SGIP1: variants seen among roughly 807,000 people sequenced by gnomAD.
SGIP1 encodes SH3-containing GRB2-like protein 3-interacting protein 1.
Under a neutral mutation model 107.5 loss-of-function variants are expected in SGIP1, and 38 were observed. The ratio of observed to expected loss-of-function variants is 0.35; its 90% CI spans 0.27 to 0.46. The LOEUF (loss-of-function observed/expected upper bound fraction) is 0.46. Ranked by LOEUF, SGIP1 falls within the 20% of genes least tolerant of loss-of-function variation. The pLI, the probability that SGIP1 is intolerant of heterozygous loss-of-function variation, is 1.00. For missense variants in SGIP1, 929 were observed against 1,019.5 expected, an observed-to-expected ratio of 0.91 and a Z score of 1.21; for synonymous variants, 365 against 366.1, an observed-to-expected ratio of 1.00 and a Z score of 0.03.
intron 7 of SGIP1, among the ~76,000 whole-genome samples, chr1:66,654,590 A>G (rs1345532098): frequency 6.6e-6 from 1 of 152,218 alleles, no homozygotes; most frequent in Admixed American, 6.5e-5. Context: ...ATTTTGTTTT[A>G]GTGGCAGCAG....
intron 23 of SGIP1, 94 bp from the exon 24 acceptor site, chr1:66,741,178 C>G: frequency 7.7e-7 from 1 of 1,295,702 alleles, no homozygotes; most frequent in South Asian, 1.7e-5. Context: ...AGAATCATGT[C>G]TGATTTTGTA....
chr1:66,591,527 A>G (rs1288164146), intron 1 of SGIP1, among the ~76,000 whole-genome samples: 1 of 152,164 alleles, frequency 6.6e-6, no homozygotes, highest in East Asian at 1.9e-4. Context: ...GCCCCTACAC[A>G]TGCACAGCCT....
rs146725007 is a variant in SGIP1 at position 66,534,703 on chromosome 1, G to T, written c.10+335G>T. ...TAAGGTTTTCTGTTCTGGGTTCCTG[G>T]GACTACACTGATTAAACATTTACAA... On this transcript the variant is annotated intron_variant, in intron 1 of 24. Transcript: ENST00000371037. Among the ~76,000 whole-genome samples, 659 of 152,238 alleles carry T rather than the reference G, an allele frequency of 4.3e-3. 5 individuals are homozygous for T. The highest frequency in any genetic ancestry group is 0.015 in the African/African-American group (620 of 41,530).
chr1:66,712,495 C>T (rs115003243), intron 18 of SGIP1, among the ~76,000 whole-genome samples: 3,033 of 152,048 alleles, frequency 0.02, 97 homozygotes, highest in African/African-American at 0.069. Context: ...AGGAGGTAAA[C>T]ACTCCTTTAT....
chr1:66,585,570 T>TTGTGTGTGTGTGTGTGTGTGTGTGTG (rs113981156), intron 1 of SGIP1, among the ~76,000 whole-genome samples: 3 of 149,952 alleles, frequency 2.0e-5, no homozygotes, highest in African/African-American at 7.4e-5. Context: ...GCTTTGGAGT[T>TTGTGTGTGTGTGTGTGTGTGTGTGTG]TGTGTGTGTG....
rs777650217 is a variant in SGIP1 at position 66,677,069 on chromosome 1, A to G, written c.712A>G (p.Lys238Glu). 6 of 1,614,030 alleles carry G rather than the reference A, an allele frequency of 3.7e-6. No homozygotes were observed. The highest frequency in any genetic ancestry group is 5.1e-6 in the Non-Finnish European group (6 of 1,179,960). ...AATTAATCCAAGCATGGAGTCGCCA[A>G]AGTTAACAAGGCCTTTTCCCACTGG... ...QPINPSMESP[K>E]LTRPFPTGTP... The change falls in exon 13 of 25, where the codon AAG (lysine) becomes GAG (glutamate). Residue 238 changes from lysine to glutamate, a missense_variant. Lys to Glu is a moderately conservative substitution (Grantham distance 56). Coordinates refer to ENST00000371037, the MANE Select transcript of SGIP1 (RefSeq NM_032291.4).
At position 66,677,021 on chromosome 1, in the gene SGIP1, G is replaced by A. The variant is rs1360435344; in HGVS notation, c.664G>A (p.Glu222Lys). The A allele has an allele frequency of 3.7e-6, 6 of 1,613,038 alleles. No homozygotes were observed. Among genetic ancestry groups the A allele is most frequent in the South Asian group, 1.1e-5 (1 of 90,824 alleles). Residue 222 changes from glutamate to lysine, a missense_variant, in exon 13 of 25, where the codon GAG (glutamate) becomes AAG (lysine). Physicochemically the swap from Glu to Lys is moderately conservative, Grantham distance 56. Coordinates refer to ENST00000371037, the MANE Select transcript of SGIP1 (RefSeq NM_032291.4). ...GTTTCCAGTTCTTTTAGATCAGCCT[G>A]AGATATGGGGTTCAGGCCAACCAAT... is the stretch of plus-strand genomic sequence containing the variant. ...QKTEVLLDQP[E>K]IWGSGQPINP...
rs1338127194 is a variant in SGIP1, at chr1:66,745,514, G to GTACT, written c.*2420_*2423dup. On this transcript the variant is annotated 3_prime_UTR_variant, in exon 25 of 25. Coordinates refer to ENST00000371037, the MANE Select transcript of SGIP1 (RefSeq NM_032291.4). ...ATCTCCTGTTACATCTATATCCACA[G>GTACT]TACTGTAGAATAAGAATTCATGTCC... The GTACT allele has an allele frequency of 6.6e-6, 1 of 151,972 alleles. No individual in the cohort carries two copies. Among genetic ancestry groups the GTACT allele is most frequent in the African/African-American group, 2.4e-5 (1 of 41,374 alleles). 9.4% of individuals were successfully genotyped at this position (151,972 alleles called of 1,614,324 possible). A position where few individuals can be genotyped will look rare whatever the true frequency, so the allele number is the denominator to read the frequency against.
At chr1:66,566,636 T>A (rs981394106) in intron 1 of SGIP1, among the ~76,000 whole-genome samples, 1 of 151,940 alleles carries the variant, frequency 6.6e-6, no homozygotes, top group African/African-American at 2.4e-5. Context: ...GCTATGAAAA[T>A]ATAGTATAAA....
intron 1 of SGIP1, among the ~76,000 whole-genome samples, chr1:66,580,264 T>C (rs1042433516): frequency 6.6e-6 from 1 of 152,110 alleles, no homozygotes; most frequent in Non-Finnish European, 1.5e-5. Flanking sequence ...ACAACTCCAG[T>C]TTCCACTTCT....
intron 18 of SGIP1, among the ~76,000 whole-genome samples, chr1:66,718,256 A>C (rs1255298747): frequency 2.6e-5 from 4 of 152,118 alleles, no homozygotes; most frequent in Non-Finnish European, 5.9e-5. Flanking sequence ...TTTGTTTGGC[A>C]GGAAGGGGAA....
chr1:66,592,966 A>G (rs1031502297), intron 1 of SGIP1, among the ~76,000 whole-genome samples: 1 of 121,338 alleles, frequency 8.2e-6, no homozygotes, highest in Non-Finnish European at 1.6e-5. Flanking sequence ...CTGATCTCGA[A>G]CTCCTGGATT....
intron 9 of SGIP1, among the ~76,000 whole-genome samples, chr1:66,668,551 A>G (rs2083092861): frequency 6.6e-6 from 1 of 152,160 alleles, no homozygotes; most frequent in African/African-American, 2.4e-5. Flanking sequence ...AATGATCCCC[A>G]TTTACCTGGT....
Position 66,733,572 on chromosome 1 carries a change from G to A in SGIP1, c.1899-176G>A, listed in dbSNP as rs375125039. On this transcript the variant is annotated intron_variant, in intron 20 of 24. Transcript: ENST00000371037. ...TGGATATTAATCTACCAACACCATA[G>A]CATTCAGAACTGTATTTGTATGAAA... Among the ~76,000 whole-genome samples, 15 of 152,112 alleles carry A rather than the reference G, an allele frequency of 9.9e-5. No homozygotes were observed. The South Asian group carries it at 1.9e-3, about 19-fold the overall frequency.
In SGIP1 at chr1:66,551,800, G is replaced by A. The variant is rs78022333; in HGVS notation, c.10+17432G>A. The stretch of plus-strand genomic sequence containing the variant: ...ATGAAAAACAATTGCATAGATGAAC[G>A]CCATATATAAGGCACCTGCCTCCAA... On this transcript the variant is annotated intron_variant, in intron 1 of 24. Transcript: ENST00000371037. 3.5e-3 allele frequency among the ~76,000 whole-genome samples: 539 copies of A among 152,180 alleles called. 2 individuals carry two copies. Among genetic ancestry groups the A allele is most frequent in the Non-Finnish European group, 6.3e-3 (431 of 67,986 alleles).
intron 1 of SGIP1, among the ~76,000 whole-genome samples, chr1:66,585,065 T>C (rs1416570399): frequency 1.3e-5 from 2 of 152,212 alleles, no homozygotes; most frequent in Non-Finnish European, 2.9e-5. Flanking sequence ...CAGTCACATG[T>C]GTGTTTTCTT....
intron 15 of SGIP1, among the ~76,000 whole-genome samples, chr1:66,685,950 G>A (rs972910035): frequency 6.6e-6 from 1 of 152,186 alleles, no homozygotes; most frequent in Non-Finnish European, 1.5e-5. Flanking sequence ...CATATTTAGT[G>A]GTTTGTTCAA....
chr1:66,587,618 T>C (rs2062840550), intron 1 of SGIP1, among the ~76,000 whole-genome samples: 1 of 152,138 alleles, frequency 6.6e-6, no homozygotes, highest in Admixed American at 6.6e-5. Flanking sequence ...TGCTTAATCC[T>C]AACTAGGTTC....
At chr1:66,692,478 C>G (rs780431743) in intron 17 of SGIP1, among the ~76,000 whole-genome samples, 35 of 152,206 alleles carry the variant, frequency 2.3e-4, no homozygotes, top group Admixed American at 2.6e-4. Context: ...GGTCAGCTGA[C>G]AGCCACTTTT....
Sources: allele counts gnomAD v4.1 joint callset (sites outside exome capture counted in the v4.1 genomes callset), GRCh38; gene constraint gnomAD v4.1.1; transcripts MANE v1.5; gene names NCBI Gene and HGNC (gene_info 2026-07-23, HGNC 2026-07-21).